DERA: variants seen among roughly 807,000 people sequenced by gnomAD.
The protein encoded by DERA is 2-deoxy-D-ribose 5-phosphate aldolase.
In DERA, 15 loss-of-function variants were observed where a neutral mutation model predicts 41.1. That is an observed-to-expected ratio of 0.37 (90% CI 0.24 to 0.56). DERA has a LOEUF of 0.56. Among genes scored for constraint, DERA ranks in the 20% least tolerant of loss-of-function variants. The pLI is 0.81. For synonymous variants in DERA, 139 were observed against 137.4 expected, an observed-to-expected ratio of 1.01 and a Z score of -0.08; for missense variants, 396 against 403.4, an observed-to-expected ratio of 0.98 and a Z score of 0.16.
intron 1 of DERA, among the ~76,000 whole-genome samples, chr12:15,955,818 A>G (rs1948533948): frequency 6.6e-6 from 1 of 152,226 alleles, no homozygotes; most frequent in Non-Finnish European, 1.5e-5. Context: ...ACAGTATGTG[A>G]TTAGCAGTTT....
At chr12:15,964,482 A>G (rs925662963) in intron 5 of DERA, among the ~76,000 whole-genome samples, 5 of 152,050 alleles carry the variant, frequency 3.3e-5, no homozygotes, top group Non-Finnish European at 7.4e-5. Context: ...GTGATTGTTC[A>G]TGTGTGTGTT....
intron 1 of DERA, among the ~76,000 whole-genome samples, chr12:15,946,831 T>G (rs1948453575): frequency 6.6e-6 from 1 of 152,224 alleles, no homozygotes; most frequent in African/African-American, 2.4e-5. Context: ...GTGTCAATTT[T>G]AGATCTTTCC....
At position 15,924,921 on chromosome 12, in the gene DERA, A is replaced by G. The variant is rs1948270938; in HGVS notation, c.31+13507A>G. On this transcript the variant is annotated intron_variant, in intron 1 of 8. Coordinates refer to ENST00000428559, the MANE Select transcript of DERA (RefSeq NM_015954.4). The surrounding 1 kb of genome is among the most constrained non-coding windows in gnomAD (Gnocchi z 5.0). ...CTGCTTGAGGGTAGGATCTGTGCTT[A>G]TCGGGCGTCTGTATCACTTATGTCA... Among the ~76,000 whole-genome samples, 1 of 152,164 alleles carries G rather than the reference A, an allele frequency of 6.6e-6. No individual in the cohort carries two copies. Among genetic ancestry groups the G allele is most frequent in the South Asian group, 2.1e-4 (1 of 4,830 alleles).
chr12:15,937,347 T>C (rs1341109038), intron 1 of DERA, among the ~76,000 whole-genome samples: 2 of 152,234 alleles, frequency 1.3e-5, no homozygotes, highest in African/African-American at 4.8e-5. Context: ...CGATGCTGTG[T>C]ATTTTACATA....
chr12:16,016,728 G>A (rs186627044), intron 6 of DERA, among the ~76,000 whole-genome samples: 15 of 142,920 alleles, frequency 1.0e-4, no homozygotes, highest in Middle Eastern at 3.7e-3. Flanking sequence ...GGAGGTCAAG[G>A]CTGCAGTGAG....
Position 15,982,587 on chromosome 12 carries a change from A to G in DERA, c.637+151A>G, listed in dbSNP as rs1020875861. Reference sequence around the variant, plus strand: ...CGGATATTTTGTAAAAACATGTTCAATGTGAAGTGGTCAAAAACTCCTGGC... The same window carrying G: ...CGGATATTTTGTAAAAACATGTTCAGTGTGAAGTGGTCAAAAACTCCTGGC... On this transcript the variant is annotated intron_variant, in intron 6 of 8. Transcript: ENST00000428559. This position sits in a 1 kb window ranked among gnomAD's most constrained non-coding sequence, Gnocchi z 4.0. Among the ~76,000 whole-genome samples, 1 of 152,214 alleles carries G rather than the reference A, an allele frequency of 6.6e-6. No individual in the cohort carries two copies. The highest frequency in any genetic ancestry group is 2.4e-5 in the African/African-American group (1 of 41,454).
intron 6 of DERA, among the ~76,000 whole-genome samples, chr12:16,018,315 C>T (rs1030864328): frequency 2.0e-4 from 30 of 152,128 alleles, no homozygotes; most frequent in African/African-American, 5.1e-4. Flanking sequence ...CTCTGAGGTT[C>T]GCAAATGAAT....
rs1341386884 is a variant in DERA at position 15,970,576 on chromosome 12, T to A, written c.508+7629T>A. 6.6e-6 allele frequency among the ~76,000 whole-genome samples: 1 copy of A among 152,182 alleles called. No individual in the cohort carries two copies. Among genetic ancestry groups the A allele is most frequent in the Admixed American group, 6.5e-5 (1 of 15,282 alleles). ...GTGTTTTTAGCTTTTTGAGGGTTTT[T>A]AAATTTTCATTTCTTTTTTTAAAAT... On this transcript the variant is annotated intron_variant, in intron 5 of 8. Transcript: ENST00000428559. This position sits in a 1 kb window ranked among gnomAD's most constrained non-coding sequence, Gnocchi z 4.3.
At chr12:15,949,665 G>T (rs542181326) in intron 1 of DERA, among the ~76,000 whole-genome samples, 1 of 152,248 alleles carries the variant, frequency 6.6e-6, no homozygotes, top group South Asian at 2.1e-4. Flanking sequence ...GTGATGCCTC[G>T]CCCTGCTTCG....
In DERA at chr12:16,001,243, T is replaced by G. The variant is rs1280184674; in HGVS notation, c.637+18807T>G. Among the ~76,000 whole-genome samples, 1 of 152,138 alleles carries G rather than the reference T, an allele frequency of 6.6e-6. No individual in the cohort carries two copies. Among genetic ancestry groups the G allele is most frequent in the Non-Finnish European group, 1.5e-5 (1 of 68,010 alleles). On this transcript the variant is annotated intron_variant, in intron 6 of 8. Transcript: ENST00000428559. The surrounding 1 kb of genome is among the most constrained non-coding windows in gnomAD (Gnocchi z 4.1). ...GTAACAAACCTGCACATTCTGCACA[T>G]GTTTATCCTATTTTTTTGTTTGTTT...
rs527317024 is a variant in DERA, at chr12:16,017,279, T to C, written c.638-15263T>C. ...TGCCATTATGCTTAAACAAGCATCATTGCTTAGTTATCGTGTTCTATTGCA... is the reference window on the plus strand; with the variant it reads ...TGCCATTATGCTTAAACAAGCATCACTGCTTAGTTATCGTGTTCTATTGCA... On this transcript the variant is annotated intron_variant, in intron 6 of 8. Coordinates refer to ENST00000428559, the MANE Select transcript of DERA (RefSeq NM_015954.4). This position sits in a 1 kb window ranked among gnomAD's most constrained non-coding sequence, Gnocchi z 5.5. Among the ~76,000 whole-genome samples, 2 of 152,230 alleles carry C rather than the reference T, an allele frequency of 1.3e-5. No individual in the cohort carries two copies. Among genetic ancestry groups the C allele is most frequent in the Non-Finnish European group, 2.9e-5 (2 of 68,044 alleles).
chr12:15,999,316 C>T lies in DERA; in HGVS notation c.637+16880C>T, dbSNP rs571041332. Reference sequence around the variant, plus strand: ...GAGAGAATGGAGAGAGTAAAGTAAGCATGACATAGTTCCTGGCCTTAAAAA... The same window carrying T: ...GAGAGAATGGAGAGAGTAAAGTAAGTATGACATAGTTCCTGGCCTTAAAAA... On this transcript the variant is annotated intron_variant, in intron 6 of 8. Coordinates refer to ENST00000428559, the MANE Select transcript of DERA (RefSeq NM_015954.4). This position sits in a 1 kb window ranked among gnomAD's most constrained non-coding sequence, Gnocchi z 5.3. Among the ~76,000 whole-genome samples the T allele has an allele frequency of 6.6e-6, 1 of 152,282 alleles. No individual in the cohort carries two copies. Among genetic ancestry groups the T allele is most frequent in the South Asian group, 2.1e-4 (1 of 4,824 alleles).
chr12:15,934,578 C>T lies in DERA; in HGVS notation c.32-22358C>T, dbSNP rs1225888728. ...CACTCCAGCCTGGGTGACAGTGAGACTCTGTCTTAAAAAAAAAACAAAAAA... is the reference window on the plus strand; with the variant it reads ...CACTCCAGCCTGGGTGACAGTGAGATTCTGTCTTAAAAAAAAAACAAAAAA... On this transcript the variant is annotated intron_variant, in intron 1 of 8. Coordinates refer to ENST00000428559, the MANE Select transcript of DERA (RefSeq NM_015954.4). Among the ~76,000 whole-genome samples, 3 of 151,568 alleles carry T rather than the reference C, an allele frequency of 2.0e-5. No individual in the cohort carries two copies. In the East Asian group the frequency reaches 5.8e-4, roughly 29 times the overall value.
In DERA at chr12:15,911,562, T is replaced by C; in HGVS notation, c.31+148T>C. 1.2e-6 allele frequency: 1 copy of C among 845,396 alleles called. No individual in the cohort carries two copies. Among genetic ancestry groups the C allele is most frequent in the Non-Finnish European group, 1.9e-6 (1 of 533,562 alleles). 52.4% of individuals were successfully genotyped at this position (845,396 alleles called of 1,614,324 possible). A position where few individuals can be genotyped will look rare whatever the true frequency, so the allele number is the denominator to read the frequency against. ...GGAAGCAGTGGCGTCTGGTCAGCCC[T>C]CACCCCAAGTAAAGGCCGAACCCGG... On this transcript the variant is annotated intron_variant, in intron 1 of 8. Transcript: ENST00000428559. The surrounding 1 kb of genome is among the most constrained non-coding windows in gnomAD (Gnocchi z 4.5).
chr12:15,994,297 G>T lies in DERA; in HGVS notation c.637+11861G>T, dbSNP rs1443307775. ...CTGTATTTCCCCTTTAAACATTAAG[G>T]GATTTTATTTTCTAAGTGAAATTCT... On this transcript the variant is annotated intron_variant, in intron 6 of 8. Transcript: ENST00000428559. This position sits in a 1 kb window ranked among gnomAD's most constrained non-coding sequence, Gnocchi z 4.8. Among the ~76,000 whole-genome samples the T allele has an allele frequency of 6.6e-6, 1 of 152,130 alleles. No homozygotes were observed. The highest frequency in any genetic ancestry group is 1.9e-4 in the East Asian group (1 of 5,202).
chr12:15,944,691 C>G (rs1948433878), intron 1 of DERA, among the ~76,000 whole-genome samples: 1 of 152,202 alleles, frequency 6.6e-6, no homozygotes, highest in East Asian at 1.9e-4. Context: ...CCTGTTCACT[C>G]TAATGGTAGT....
chr12:15,962,027 A>G (rs1948591772), intron 4 of DERA, among the ~76,000 whole-genome samples: 1 of 152,270 alleles, frequency 6.6e-6, no homozygotes, highest in African/African-American at 2.4e-5. Flanking sequence ...TACAGGCAAG[A>G]GCCACTGTGC....
In DERA at chr12:15,928,178, A is replaced by G. The variant is rs1776658652; in HGVS notation, c.31+16764A>G. On this transcript the variant is annotated intron_variant, in intron 1 of 8. Coordinates refer to ENST00000428559, the MANE Select transcript of DERA (RefSeq NM_015954.4). This position sits in a 1 kb window ranked among gnomAD's most constrained non-coding sequence, Gnocchi z 4.6. ...TACTCTCTTAGCCGTTTTGAAACATACATGAGTATTAACTGTAGCTACCAT... is the reference window on the plus strand; with the variant it reads ...TACTCTCTTAGCCGTTTTGAAACATGCATGAGTATTAACTGTAGCTACCAT... Among the ~76,000 whole-genome samples the G allele has an allele frequency of 1.3e-5, 2 of 152,236 alleles. No homozygotes were observed. The highest frequency in any genetic ancestry group is 2.9e-5 in the Non-Finnish European group (2 of 68,040).
Position 15,982,348 on chromosome 12 carries a change from G to A in DERA, c.549G>A (p.Gly183=). The change falls in exon 6 of 9, where the codon GGG becomes GGA. Residue 183 remains glycine, a synonymous_variant. Coordinates refer to ENST00000428559, the MANE Select transcript of DERA (RefSeq NM_015954.4). The surrounding 1 kb of genome is among the most constrained non-coding windows in gnomAD (Gnocchi z 4.0). ...TTCGTCAGTTTCGCAAGGCCTGTGG[G>A]GAGGCTCATCTTAAAACTATATTAG... The part of the protein sequence containing the change: ...DEIRQFRKAC[G]EAHLKTILAT... 1 of 1,613,832 alleles carries A rather than the reference G, an allele frequency of 6.2e-7. No homozygotes were observed.
Sources: gnomAD v4.1 joint callset for allele counts (sites outside exome capture counted in the v4.1 genomes callset) on GRCh38, gnomAD v4.1.1 for gene constraint, Gnocchi (gnomAD v3.1) non-coding constraint, MANE v1.5 for transcripts, NCBI Gene and HGNC (gene_info 2026-07-23, HGNC 2026-07-21) for gene names.